Variants in SLC44A5 observed in about 807,000 individuals in gnomAD.
The protein encoded by SLC44A5 is solute carrier family 44 member 5.
Under a neutral mutation model 101.8 loss-of-function variants are expected in SLC44A5, and 57 were observed. The ratio of observed to expected loss-of-function variants is 0.56; its 90% CI spans 0.45 to 0.70. The LOEUF (loss-of-function observed/expected upper bound fraction) is 0.70, where lower values mean the gene tolerates loss of function less well. Among genes scored for constraint, SLC44A5 ranks in the 30% least tolerant of loss-of-function variants. The pLI is 0.00. For missense variants in SLC44A5, 737 were observed against 853.1 expected (o/e 0.86, Z 1.70); for synonymous variants, 281 against 290.9 (o/e 0.97, Z 0.35).
At chr1:75,544,506 C>A (rs1474060580) in intron 1 of SLC44A5, among the ~76,000 whole-genome samples, 1 of 148,092 alleles carries the variant, frequency 6.8e-6, no homozygotes, top group Non-Finnish European at 1.5e-5. Context: ...TGCATGTGCA[C>A]ACACACACAC....
intron 4 of SLC44A5, among the ~76,000 whole-genome samples, chr1:75,316,710 A>C (rs1420580224): frequency 6.6e-6 from 1 of 152,236 alleles, no homozygotes; most frequent in South Asian, 2.1e-4. Context: ...GAGGGTTAGT[A>C]TTCTGATTTA....
chr1:75,395,427 A>G (rs977224705), intron 3 of SLC44A5, among the ~76,000 whole-genome samples: 4 of 152,142 alleles, frequency 2.6e-5, no homozygotes, highest in African/African-American at 9.7e-5. Flanking sequence ...GAAATTTACA[A>G]AATAGCCTCT....
At chr1:75,628,866 G>A in the SLC44A5 span, among the ~76,000 whole-genome samples, 1 of 152,126 alleles carries the variant, frequency 6.6e-6, no homozygotes, top group African/African-American at 2.4e-5. Flanking sequence ...ACATGGGAAA[G>A]GTAGCTTTAG....
At chr1:75,484,406 C>T (rs2101789555) in intron 2 of SLC44A5, among the ~76,000 whole-genome samples, 1 of 152,334 alleles carries the variant, frequency 6.6e-6, no homozygotes, top group South Asian at 2.1e-4. Flanking sequence ...TCTTAAAGCT[C>T]TAAAATGATC....
At chr1:75,507,430 T>C (rs1416229094) in intron 2 of SLC44A5, among the ~76,000 whole-genome samples, 2 of 152,204 alleles carry the variant, frequency 1.3e-5, no homozygotes, top group Non-Finnish European at 2.9e-5. Context: ...CTTTTTGATG[T>C]GCTACTGGAT....
intron 3 of SLC44A5, among the ~76,000 whole-genome samples, chr1:75,392,156 A>G (rs1271287866): frequency 1.3e-5 from 2 of 152,164 alleles, no homozygotes; most frequent in Non-Finnish European, 2.9e-5. Flanking sequence ...TCTCAAAAAA[A>G]AAAATTGACA....
chr1:75,528,323 T>C (rs748987337), intron 2 of SLC44A5, among the ~76,000 whole-genome samples: 9 of 151,954 alleles, frequency 5.9e-5, no homozygotes, highest in Non-Finnish European at 1.2e-4. Flanking sequence ...TTCAGAATAT[T>C]CAGGAAGCAA....
At chr1:75,269,391 A>G (rs941353439) in intron 6 of SLC44A5, among the ~76,000 whole-genome samples, 4 of 151,960 alleles carry the variant, frequency 2.6e-5, no homozygotes, top group East Asian at 1.9e-4. Context: ...TTTGTTTCCA[A>G]TGAGTTAAGG....
intron 6 of SLC44A5, among the ~76,000 whole-genome samples, chr1:75,271,092 C>G (rs1479407917): frequency 1.3e-5 from 2 of 152,012 alleles, no homozygotes; most frequent in African/African-American, 4.8e-5. Flanking sequence ...AATTACCTCC[C>G]TGGATCAAAA....
intron 3 of SLC44A5, among the ~76,000 whole-genome samples, chr1:75,386,539 G>T (rs1011244287): frequency 6.6e-6 from 1 of 151,982 alleles, no homozygotes; most frequent in Non-Finnish European, 1.5e-5. Context: ...ACTACAAACC[G>T]CTGCTCAAGG....
In SLC44A5 at chr1:75,227,894, T is replaced by C. The variant is rs1258349102; in HGVS notation, c.854-37A>G. 3.3e-6 allele frequency: 5 copies of C among 1,534,964 alleles called. No homozygotes were observed. The Admixed American group carries it at 6.4e-5, about 20-fold the overall frequency. The stretch of plus-strand genomic sequence containing the variant: ...AAGAAAAACAGAATAATATAAAATA[T>C]GATTTTCTGAAATAGGAGCTATATG... On this transcript the variant is annotated intron_variant, in intron 12 of 23. Coordinates refer to ENST00000370859, the MANE Select transcript of SLC44A5 (RefSeq NM_001130058.2).
At chr1:75,219,365 A>G (rs1467878437) in intron 15 of SLC44A5, 21 bp from the exon 16 acceptor site, 1 of 1,521,926 alleles carries the variant, frequency 6.6e-7, no homozygotes, top group Non-Finnish European at 9.1e-7. Context: ...TCCATTAAGG[A>G]TAAACCATTT....
chr1:75,387,348 T>A (rs1661433559), intron 3 of SLC44A5, among the ~76,000 whole-genome samples: 2 of 136,248 alleles, frequency 1.5e-5, no homozygotes, highest in Admixed American at 7.4e-5. Flanking sequence ...TACAATGAAC[T>A]CAAACAAATT....
intron 2 of SLC44A5, among the ~76,000 whole-genome samples, chr1:75,448,165 G>T (rs1237135468): frequency 6.6e-6 from 1 of 152,166 alleles, no homozygotes; most frequent in Non-Finnish European, 1.5e-5. Flanking sequence ...TCCAAAAAAT[G>T]CTCTATCACA....
intron 1 of SLC44A5, among the ~76,000 whole-genome samples, chr1:75,549,053 T>C (rs1472484843): frequency 2.6e-5 from 4 of 152,132 alleles, no homozygotes; most frequent in Non-Finnish European, 5.9e-5. Flanking sequence ...TGAAGACAGA[T>C]GAGATTTAAG....
chr1:75,299,849 A>C (rs1441207627), intron 5 of SLC44A5, among the ~76,000 whole-genome samples: 1 of 150,912 alleles, frequency 6.6e-6, no homozygotes, highest in Non-Finnish European at 1.5e-5. Context: ...TCTCTACTAA[A>C]AAAAAAAAAT....
chr1:75,561,140 C>A (rs1672496677), intron 1 of SLC44A5, among the ~76,000 whole-genome samples: 1 of 152,104 alleles, frequency 6.6e-6, no homozygotes, highest in Non-Finnish European at 1.5e-5. Flanking sequence ...GAAATCTTTT[C>A]TCTGCATGAT....
At chr1:75,560,285 A>C (rs796468604) in intron 1 of SLC44A5, among the ~76,000 whole-genome samples, 7 of 152,336 alleles carry the variant, frequency 4.6e-5, no homozygotes, top group African/African-American at 1.7e-4. Flanking sequence ...CCCAATGTCC[A>C]TCAAGAAATG....
intron 1 of SLC44A5, among the ~76,000 whole-genome samples, chr1:75,600,521 T>C (rs953053566): frequency 2.0e-5 from 3 of 152,196 alleles, no homozygotes; most frequent in African/African-American, 7.2e-5. Flanking sequence ...ATTTATTTAT[T>C]TATTAATCTT....
Sources: allele counts gnomAD v4.1 joint callset (sites outside exome capture counted in the v4.1 genomes callset), GRCh38; gene constraint gnomAD v4.1.1; transcripts MANE v1.5; gene names NCBI Gene and HGNC (gene_info 2026-07-23, HGNC 2026-07-21).